Variants in TFCP2L1 observed in about 807,000 individuals in gnomAD.
TFCP2L1 encodes the protein transcription factor CP2 like 1.
A neutral mutation model predicts 72.2 loss-of-function variants in TFCP2L1; 12 were observed. That is an observed-to-expected ratio of 0.17 (90% CI 0.11 to 0.27). TFCP2L1 has a LOEUF of 0.27. Ranked by LOEUF, TFCP2L1 falls within the 10% of genes least tolerant of loss-of-function variation. The pLI is 1.00. For synonymous variants in TFCP2L1, 260 were observed against 251.0 expected, an observed-to-expected ratio of 1.04 and a Z score of -0.34; for missense variants, 488 against 624.6, an observed-to-expected ratio of 0.78 and a Z score of 2.33.
intron 7 of TFCP2L1, 57 bp from the exon 8 acceptor site, chr2:121,239,706 C>A: frequency 6.6e-7 from 1 of 1,518,686 alleles, no homozygotes; most frequent in South Asian, 1.2e-5. Flanking sequence ...GCCGTGCTCC[C>A]CAGGTCCTCC....
At position 121,220,033 on chromosome 2, in the gene TFCP2L1, C is replaced by T. The variant is rs34764243; in HGVS notation, c.*4308G>A. 2 of 150,980 alleles carry T rather than the reference C, an allele frequency of 1.3e-5. No homozygotes were observed. Among genetic ancestry groups the T allele is most frequent in the Non-Finnish European group, 3.0e-5 (2 of 67,766 alleles). 9.4% of individuals were successfully genotyped at this position (150,980 alleles called of 1,614,324 possible). A position where few individuals can be genotyped will look rare whatever the true frequency, so the allele number is the denominator to read the frequency against. ...CCAATCATCCACTGCTTTCTCACCC[C>T]CTCTGAGCGCCTAGGGACTTTCTCC... On this transcript the variant is annotated 3_prime_UTR_variant, in exon 15 of 15. Transcript: ENST00000263707.
chr2:121,271,459 A>C (rs1182231059), intron 2 of TFCP2L1, among the ~76,000 whole-genome samples: 1 of 152,092 alleles, frequency 6.6e-6, no homozygotes, highest in Non-Finnish European at 1.5e-5. Flanking sequence ...GGAAAAAACA[A>C]GGGGAAAACA....
intron 5 of TFCP2L1, among the ~76,000 whole-genome samples, chr2:121,247,815 C>T (rs1035060925): frequency 6.6e-6 from 1 of 152,188 alleles, no homozygotes; most frequent in Admixed American, 6.5e-5. Flanking sequence ...GGATCCACAC[C>T]AGTGCTTGAT....
At chr2:121,271,033 T>A (rs545800277) in intron 2 of TFCP2L1, among the ~76,000 whole-genome samples, 6 of 151,734 alleles carry the variant, frequency 4.0e-5, no homozygotes, top group African/African-American at 1.2e-4. Flanking sequence ...CTATTAAAAA[T>A]ACAAAAATTG....
intron 2 of TFCP2L1, among the ~76,000 whole-genome samples, chr2:121,259,030 T>C (rs905477846): frequency 6.6e-6 from 1 of 152,124 alleles, no homozygotes; most frequent in African/African-American, 2.4e-5. Flanking sequence ...GGTGGATCAC[T>C]TGAGGTCAGG....
chr2:121,267,456 A>G (rs2104742622), intron 2 of TFCP2L1, among the ~76,000 whole-genome samples: 1 of 152,334 alleles, frequency 6.6e-6, no homozygotes, highest in East Asian at 1.9e-4. Context: ...AAACATAATT[A>G]AAGTTTGACA....
intron 2 of TFCP2L1, among the ~76,000 whole-genome samples, chr2:121,280,591 G>A (rs1277847214): frequency 6.6e-6 from 1 of 151,746 alleles, no homozygotes; most frequent in Non-Finnish European, 1.5e-5. Flanking sequence ...GACCCCCCCA[G>A]CTCTACAAAA....
chr2:121,276,558 G>A (rs566594071), intron 2 of TFCP2L1, among the ~76,000 whole-genome samples: 18 of 151,420 alleles, frequency 1.2e-4, no homozygotes, highest in Admixed American at 4.6e-4. Context: ...CCCTGAGCCC[G>A]CGAGGCAGAG....
At chr2:121,278,132 G>T (rs1687183571) in intron 2 of TFCP2L1, among the ~76,000 whole-genome samples, 1 of 148,174 alleles carries the variant, frequency 6.7e-6, no homozygotes, top group Admixed American at 6.7e-5. Flanking sequence ...CGCTTCCCGG[G>T]TTCACGCCAT....
At chr2:121,244,351 G>A (rs1335232329) in intron 6 of TFCP2L1, among the ~76,000 whole-genome samples, 2 of 152,218 alleles carry the variant, frequency 1.3e-5, no homozygotes, top group African/African-American at 2.4e-5. Flanking sequence ...ACCGGCGAAC[G>A]GAGGGGTGAC....
At chr2:121,246,752 G>A in intron 6 of TFCP2L1, 66 bp downstream of exon 6, 1 of 1,598,100 alleles carries the variant, frequency 6.3e-7, no homozygotes, top group Non-Finnish European at 8.6e-7. Flanking sequence ...CAGGGTCTCT[G>A]TGGGCGAATG....
chr2:121,236,646 C>G (rs1227564776), intron 10 of TFCP2L1, among the ~76,000 whole-genome samples: 3 of 152,158 alleles, frequency 2.0e-5, no homozygotes, highest in Non-Finnish European at 4.4e-5. Flanking sequence ...CGAAGTCCTT[C>G]CACTGTTCTT....
In TFCP2L1 at chr2:121,224,046, G is replaced by A. The variant is rs1353479111; in HGVS notation, c.*295C>T. The stretch of plus-strand genomic sequence containing the variant: ...AGGGATGAGGGATTTCAGAGCAGAC[G>A]TCTCCACTGTTTGCCCTTTTAGAAC... On this transcript the variant is annotated 3_prime_UTR_variant, in exon 15 of 15. Coordinates refer to ENST00000263707, the MANE Select transcript of TFCP2L1 (RefSeq NM_014553.3). 1.5e-5 allele frequency: 7 copies of A among 460,952 alleles called. No homozygotes were observed. Among genetic ancestry groups the A allele is most frequent in the African/African-American group, 3.9e-5 (2 of 51,134 alleles). 28.6% of individuals were successfully genotyped at this position (460,952 alleles called of 1,614,324 possible). A position where few individuals can be genotyped will look rare whatever the true frequency, so the allele number is the denominator to read the frequency against.
intron 10 of TFCP2L1, among the ~76,000 whole-genome samples, chr2:121,235,560 T>C (rs1686229409): frequency 7.8e-6 from 1 of 127,494 alleles, no homozygotes; most frequent in African/African-American, 2.6e-5. Context: ...CTGCCCTGCT[T>C]GCTTTCTTTC....
chr2:121,236,706 T>TC (rs150391171), intron 10 of TFCP2L1, among the ~76,000 whole-genome samples: 13,348 of 151,798 alleles, frequency 0.088, 1,006 homozygotes, highest in African/African-American at 0.2. Context: ...TGACCTCTCC[T>TC]CCCCGGGCCA....
At chr2:121,227,891 C>T (rs1056218626) in intron 13 of TFCP2L1, among the ~76,000 whole-genome samples, 6 of 152,194 alleles carry the variant, frequency 3.9e-5, no homozygotes, top group Non-Finnish European at 5.9e-5. Context: ...CCTAATGATG[C>T]GTGAAGTACA....
rs761312912 is a variant in TFCP2L1 at position 121,217,976 on chromosome 2, C to T, written c.*6365G>A. 5.3e-5 allele frequency: 8 copies of T among 152,200 alleles called. No homozygotes were observed. Among genetic ancestry groups the T allele is most frequent in the Non-Finnish European group, 1.2e-4 (8 of 68,046 alleles). The allele number at this position is 152,200 out of a possible 1,614,324, so 9.4% of individuals were successfully genotyped here. ...TGATAGGCAGGGTTAATGCAGAAAC[C>T]GCTCATCTGAATGCTTCCCCTGCTT... On this transcript the variant is annotated 3_prime_UTR_variant, in exon 15 of 15. Coordinates refer to ENST00000263707, the MANE Select transcript of TFCP2L1 (RefSeq NM_014553.3).
chr2:121,250,330 T>C (rs1686579360), intron 2 of TFCP2L1, among the ~76,000 whole-genome samples: 1 of 150,554 alleles, frequency 6.6e-6, no homozygotes, highest in South Asian at 2.1e-4. Context: ...GGATACACCA[T>C]GTTCCCAGAA....
At position 121,257,292 on chromosome 2, in the gene TFCP2L1, G is replaced by A. The variant is rs138762773; in HGVS notation, c.215-7645C>T. Among the ~76,000 whole-genome samples, 499 of 151,968 alleles carry A rather than the reference G, an allele frequency of 3.3e-3. 3 individuals are homozygous for A. The highest frequency in any genetic ancestry group is 0.011 in the Admixed American group (169 of 15,280). On this transcript the variant is annotated intron_variant, in intron 2 of 14. Coordinates refer to ENST00000263707, the MANE Select transcript of TFCP2L1 (RefSeq NM_014553.3). ...CCCTCCTGCCTCCCCTACAGCTATA[G>A]CCCGAGGGTATCCAGGCAGTACTGT...
Sources: allele counts gnomAD v4.1 joint callset (sites outside exome capture counted in the v4.1 genomes callset), GRCh38; gene constraint gnomAD v4.1.1; transcripts MANE v1.5; gene names NCBI Gene and HGNC (gene_info 2026-07-23, HGNC 2026-07-21).